SASH1: variants seen among roughly 807,000 people sequenced by gnomAD.
The protein encoded by SASH1 is SAM and SH3 domain containing 1.
Under a neutral mutation model 125.2 loss-of-function variants are expected in SASH1, and 44 were observed. The ratio of observed to expected loss-of-function variants is 0.35; its 90% CI spans 0.28 to 0.45. The LOEUF (loss-of-function observed/expected upper bound fraction) is 0.45. Among genes scored for constraint, SASH1 ranks in the 20% least tolerant of loss-of-function variants. SASH1 has a pLI of 1.00. For synonymous variants in SASH1, 639 were observed against 649.1 expected (o/e 0.98, Z 0.24); for missense variants, 1,426 against 1,614.5 (o/e 0.88, Z 2.00).
At chr6:148,443,791 T>C (rs1382795447) in intron 4 of SASH1, among the ~76,000 whole-genome samples, 1 of 152,210 alleles carries the variant, frequency 6.6e-6, no homozygotes. Context: ...ATTGTCGCTA[T>C]AGAATAATTT....
chr6:148,467,113 T>TGGGG (rs1554261243), intron 4 of SASH1, among the ~76,000 whole-genome samples: 12,421 of 141,976 alleles, frequency 0.087, 806 homozygotes, highest in Non-Finnish European at 0.13. Flanking sequence ...TTTTTTTTTT[T>TGGGG]GGTGATACAG....
chr6:148,374,421 T>G (rs988919529), intron 1 of SASH1, among the ~76,000 whole-genome samples: 1 of 152,216 alleles, frequency 6.6e-6, no homozygotes, highest in African/African-American at 2.4e-5. Context: ...GTATTAGATG[T>G]CAGTGAAAAA....
the SASH1 span, among the ~76,000 whole-genome samples, chr6:148,234,042 T>C: frequency 6.6e-6 from 1 of 151,870 alleles, no homozygotes; most frequent in Non-Finnish European, 1.5e-5. Context: ...TGGGTGGGGA[T>C]AGGGATACAA....
chr6:148,465,349 C>T (rs1777783457), intron 4 of SASH1, among the ~76,000 whole-genome samples: 1 of 152,028 alleles, frequency 6.6e-6, no homozygotes, highest in Non-Finnish European at 1.5e-5. Flanking sequence ...GTCAGGAGTT[C>T]AAGTCCAGCC....
At chr6:148,283,564 G>A (rs1247808844) in intron 1 of SASH1, among the ~76,000 whole-genome samples, 2 of 152,206 alleles carry the variant, frequency 1.3e-5, no homozygotes, top group African/African-American at 4.8e-5. Context: ...CTGACGTCAG[G>A]AGATCGAGAC....
intron 4 of SASH1, among the ~76,000 whole-genome samples, chr6:148,460,667 A>G (rs1463454948): frequency 2.6e-5 from 4 of 152,252 alleles, no homozygotes; most frequent in Admixed American, 2.6e-4. Context: ...ACAATAAGCT[A>G]AATACTGCTT....
chr6:148,366,267 G>A (rs1429027939), intron 1 of SASH1, among the ~76,000 whole-genome samples: 3 of 152,164 alleles, frequency 2.0e-5, no homozygotes, highest in Non-Finnish European at 4.4e-5. Context: ...CTGGGCAAAA[G>A]AGGGAGAGCC....
chr6:148,338,710 A>G (rs907618866), upstream of SASH1, among the ~76,000 whole-genome samples: 6 of 152,088 alleles, frequency 3.9e-5, no homozygotes, highest in African/African-American at 1.2e-4. Context: ...ACTTTGTTAA[A>G]AAGCCCCTGA....
chr6:148,250,776 G>A, the SASH1 span, among the ~76,000 whole-genome samples: 1 of 152,066 alleles, frequency 6.6e-6, no homozygotes, highest in Non-Finnish European at 1.5e-5. Context: ...CTTCTAGCTG[G>A]GTGGACGAAT....
intron 4 of SASH1, among the ~76,000 whole-genome samples, chr6:148,448,115 A>AGTGTGTGTGT (rs34309514): frequency 6.1e-5 from 9 of 146,814 alleles, no homozygotes; most frequent in South Asian, 2.2e-4. Flanking sequence ...CAGTGGAGAG[A>AGTGTGTGTGT]GTGTGTGTGT....
chr6:148,352,257 G>A (rs186738380), intron 1 of SASH1, among the ~76,000 whole-genome samples: 182 of 152,266 alleles, frequency 1.2e-3, no homozygotes, highest in Non-Finnish European at 9.4e-4. Flanking sequence ...GTAAAATGAG[G>A]TTAACAGTCA....
At chr6:148,299,315 G>T (rs569462010) in intron 1 of SASH1, among the ~76,000 whole-genome samples, 4 of 130,464 alleles carry the variant, frequency 3.1e-5, no homozygotes, top group Non-Finnish European at 5.1e-5. Flanking sequence ...TTTTAGAAAA[G>T]AATTTTTTTT....
At chr6:148,245,895 A>C in the SASH1 span, among the ~76,000 whole-genome samples, 1 of 152,052 alleles carries the variant, frequency 6.6e-6, no homozygotes, top group Non-Finnish European at 1.5e-5. Flanking sequence ...AGGCTGAGGC[A>C]GGAGAATGGC....
chr6:148,203,850 C>T, the SASH1 span, among the ~76,000 whole-genome samples: 3 of 152,200 alleles, frequency 2.0e-5, no homozygotes, highest in Non-Finnish European at 4.4e-5. Context: ...ATCACAAAAG[C>T]TCACTTTGCT....
intron 2 of SASH1, among the ~76,000 whole-genome samples, chr6:148,430,147 A>G (rs1776005038): frequency 6.6e-6 from 1 of 152,172 alleles, no homozygotes; most frequent in African/African-American, 2.4e-5. Flanking sequence ...GGATGGATAG[A>G]AAGGAGAAGC....
intron 1 of SASH1, among the ~76,000 whole-genome samples, chr6:148,273,311 T>TTG (rs397700802): frequency 1.3e-5 from 2 of 150,282 alleles, no homozygotes; most frequent in Non-Finnish European, 3.0e-5. Flanking sequence ...TTTTTTTTTT[T>TTG]GAGACAGAGT....
intron 5 of SASH1, among the ~76,000 whole-genome samples, chr6:148,471,041 G>T (rs1778083183): frequency 6.6e-6 from 1 of 151,954 alleles, no homozygotes. Flanking sequence ...CCCTATTTGT[G>T]GTGTAGTTGA....
At chr6:148,523,136 A>G (rs1485653720) in intron 10 of SASH1, among the ~76,000 whole-genome samples, 1 of 152,218 alleles carries the variant, frequency 6.6e-6, no homozygotes, top group Non-Finnish European at 1.5e-5. Flanking sequence ...ATTCTTTGTC[A>G]CTTATTTCAT....
At chr6:148,313,970 C>T (rs1780407190) in intron 1 of SASH1, among the ~76,000 whole-genome samples, 1 of 152,180 alleles carries the variant, frequency 6.6e-6, no homozygotes, top group Non-Finnish European at 1.5e-5. Flanking sequence ...TCACCTTTAG[C>T]ATAAGCTCAG....
Sources: gnomAD v4.1 joint callset for allele counts (sites outside exome capture counted in the v4.1 genomes callset) on GRCh38, gnomAD v4.1.1 for gene constraint, MANE v1.5 for transcripts, NCBI Gene and HGNC (gene_info 2026-07-23, HGNC 2026-07-21) for gene names.